PPARGC1A: variants seen among roughly 807,000 people sequenced by gnomAD.
PPARGC1A encodes peroxisome proliferator-activated receptor gamma coactivator 1-alpha.
A neutral mutation model predicts 88.7 loss-of-function variants in PPARGC1A; 25 were observed. The observed-to-expected ratio is 0.28, with a 90% CI of 0.21 to 0.39. PPARGC1A has a LOEUF of 0.39. PPARGC1A is among the 10% of genes least tolerant of loss of function. The pLI, the probability that PPARGC1A is intolerant of heterozygous loss-of-function variation, is 1.00. For missense variants in PPARGC1A, 880 were observed against 968.7 expected (o/e 0.91, Z 1.22); for synonymous variants, 363 against 355.6 (o/e 1.02, Z -0.24).
At chr4:24,201,572 A>G in the PPARGC1A span, among the ~76,000 whole-genome samples, 5 of 152,162 alleles carry the variant, frequency 3.3e-5, no homozygotes, top group Admixed American at 1.3e-4. Context: ...GAAGGAGAAC[A>G]CTCACTCTGT....
At chr4:24,243,421 G>A in the PPARGC1A span, among the ~76,000 whole-genome samples, 9 of 152,202 alleles carry the variant, frequency 5.9e-5, no homozygotes, top group Non-Finnish European at 1.2e-4. Flanking sequence ...CATCAGGAAT[G>A]GTCCAGAAGT....
chr4:24,223,250 ATTTTTT>A, the PPARGC1A span, among the ~76,000 whole-genome samples: 818 of 135,370 alleles, frequency 6.0e-3, 34 homozygotes, highest in East Asian at 0.12. Context: ...ACTTTTGTGG[ATTTTTT>A]TTTTTTTTTT....
At position 23,877,532 on chromosome 4, in the gene PPARGC1A, C is replaced by T. The variant is rs192451239; in HGVS notation, c.234+7220G>A. On this transcript the variant is annotated intron_variant, in intron 2 of 12. Coordinates refer to ENST00000264867, the MANE Select transcript of PPARGC1A (RefSeq NM_013261.5). ...CAGCCTGGGCGACAGAGCGAGACTC[C>T]ATCTCAAAAAAAAAAAAAAAAAAAA... Among the ~76,000 whole-genome samples the T allele has an allele frequency of 8.1e-4, 69 of 85,014 alleles. 1 individual carries two copies. Among genetic ancestry groups the T allele is most frequent in the Admixed American group, 4.1e-3 (29 of 6,996 alleles). 55.8% of individuals were successfully genotyped at this position (85,014 alleles called of 152,430 possible).
the PPARGC1A span, among the ~76,000 whole-genome samples, chr4:23,948,831 G>A: frequency 6.6e-6 from 1 of 152,094 alleles, no homozygotes; most frequent in Non-Finnish European, 1.5e-5. Context: ...GACTTTGTTG[G>A]AACTAAAGTA....
the PPARGC1A span, among the ~76,000 whole-genome samples, chr4:23,933,078 G>T: frequency 6.6e-6 from 1 of 152,212 alleles, no homozygotes; most frequent in African/African-American, 2.4e-5. Context: ...GCCAGCCAAT[G>T]CCTGGAGCTT....
At chr4:24,262,501 A>C in the PPARGC1A span, among the ~76,000 whole-genome samples, 2 of 152,176 alleles carry the variant, frequency 1.3e-5, no homozygotes, top group African/African-American at 4.8e-5. Flanking sequence ...TTTTAACTTC[A>C]AAGAGTAAAG....
upstream of PPARGC1A, among the ~76,000 whole-genome samples, chr4:23,903,691 A>C (rs749870434): frequency 4.4e-4 from 67 of 152,292 alleles, no homozygotes; most frequent in Admixed American, 3.3e-4. Flanking sequence ...TAAAAATAAA[A>C]ATTAAAAAGA....
At chr4:23,882,349 C>T (rs1340379451) in intron 2 of PPARGC1A, among the ~76,000 whole-genome samples, 1 of 152,166 alleles carries the variant, frequency 6.6e-6, no homozygotes, top group Non-Finnish European at 1.5e-5. Flanking sequence ...ACCAATTAAT[C>T]ATTAGTAATT....
the PPARGC1A span, among the ~76,000 whole-genome samples, chr4:24,004,976 C>CT: frequency 4.6e-5 from 7 of 152,182 alleles, no homozygotes; most frequent in Admixed American, 2.6e-4. Context: ...TACCTCATCC[C>CT]TTTTTTCCCA....
intron 3 of PPARGC1A, 143 bp from the exon 4 acceptor site, chr4:23,829,728 C>A: frequency 1.4e-6 from 1 of 732,130 alleles, no homozygotes. Context: ...CACCTTAGCG[C>A]AATAGTGCTA....
chr4:24,160,198 A>C, the PPARGC1A span, among the ~76,000 whole-genome samples: 2 of 152,216 alleles, frequency 1.3e-5, no homozygotes, highest in African/African-American at 4.8e-5. Context: ...GCAGGGTTGC[A>C]GTAAGGAATT....
At chr4:24,221,001 A>G in the PPARGC1A span, among the ~76,000 whole-genome samples, 9 of 152,210 alleles carry the variant, frequency 5.9e-5, no homozygotes, top group Non-Finnish European at 1.3e-4. Flanking sequence ...AAAAAAAATG[A>G]GGACATCTCC....
the PPARGC1A span, among the ~76,000 whole-genome samples, chr4:24,076,923 AGT>A: frequency 2.2e-3 from 340 of 152,118 alleles, 1 homozygote; most frequent in African/African-American, 7.5e-3. Context: ...TGAACTATGG[AGT>A]GTGTCATTAA....
chr4:24,076,902 T>C, the PPARGC1A span, among the ~76,000 whole-genome samples: 1 of 152,306 alleles, frequency 6.6e-6, no homozygotes, highest in African/African-American at 2.4e-5. Context: ...TATTTAACTT[T>C]TGTTCACCGC....
chr4:24,115,233 A>G, the PPARGC1A span, among the ~76,000 whole-genome samples: 5 of 152,240 alleles, frequency 3.3e-5, no homozygotes, highest in Admixed American at 2.0e-4. Flanking sequence ...AACGAAAAGC[A>G]CAATTAAATA....
upstream of PPARGC1A, among the ~76,000 whole-genome samples, chr4:23,901,964 G>A (rs1010205420): frequency 2.6e-5 from 4 of 152,092 alleles, no homozygotes; most frequent in East Asian, 1.9e-4. Context: ...GCCAGCCAAC[G>A]CAGTCGCCAC....
the PPARGC1A span, among the ~76,000 whole-genome samples, chr4:24,228,729 A>G: frequency 6.6e-6 from 1 of 152,254 alleles, no homozygotes; most frequent in Non-Finnish European, 1.5e-5. Flanking sequence ...TGAGGATTTG[A>G]CATGGTCTTT....
the PPARGC1A span, among the ~76,000 whole-genome samples, chr4:24,262,708 C>A: frequency 6.6e-6 from 1 of 151,934 alleles, no homozygotes; most frequent in African/African-American, 2.4e-5. Flanking sequence ...AATGCCTTTA[C>A]TTCTCAAGTT....
At chr4:24,429,941 G>A in the PPARGC1A span, among the ~76,000 whole-genome samples, 1 of 151,994 alleles carries the variant, frequency 6.6e-6, no homozygotes, top group African/African-American at 2.4e-5. Context: ...GTGAGACACC[G>A]CACCTGGTCT....
Sources: gnomAD v4.1 joint callset for allele counts (sites outside exome capture counted in the v4.1 genomes callset) on GRCh38, gnomAD v4.1.1 for gene constraint, MANE v1.5 for transcripts, NCBI Gene and HGNC (gene_info 2026-07-23, HGNC 2026-07-21) for gene names.